Variants in PAH observed in about 807,000 individuals in gnomAD.
The protein encoded by PAH is phenylalanine-4-hydroxylase.
PAH carries 64 observed loss-of-function variants against 62.0 expected under a neutral mutation model. The ratio of observed to expected loss-of-function variants is 1.03; its 90% CI spans 0.84 to 1.27. PAH has a LOEUF of 1.27. Ranked by LOEUF, PAH falls within the 50% of genes most tolerant of loss-of-function variation. The pLI is 0.00. For missense variants in PAH, 579 were observed against 542.8 expected (o/e 1.07, Z -0.66); for synonymous variants, 195 against 196.2 (o/e 0.99, Z 0.05).
At chr12:102,955,902 A>G (rs545042257) in intron 1 of PAH, among the ~76,000 whole-genome samples, 3 of 152,148 alleles carry the variant, frequency 2.0e-5, no homozygotes, top group Non-Finnish European at 4.4e-5. Context: ...CTCTGTTGGC[A>G]CGATTTGGTC....
Position 102,846,828 on chromosome 12 carries a change from G to C in PAH, c.969+67C>G. 6 of 1,390,254 alleles carry C rather than the reference G, an allele frequency of 4.3e-6. No individual in the cohort carries two copies. In the South Asian group the frequency reaches 5.8e-5, roughly 13 times the overall value. 86.1% of individuals were successfully genotyped at this position (1,390,254 alleles called of 1,614,324 possible). A position where few individuals can be genotyped will look rare whatever the true frequency, so the allele number is the denominator to read the frequency against. ...ACCTGGCTTCCAGGGGAGTAGGAAA[G>C]TTTCAAAGACCTGAGGGCCATAGCC... On this transcript the variant is annotated intron_variant, in intron 9 of 12. Coordinates refer to ENST00000553106, the MANE Select transcript of PAH (RefSeq NM_000277.3).
At chr12:102,854,854 T>G in intron 6 of PAH, 2 of 490,368 alleles carry the variant, frequency 4.1e-6, no homozygotes, top group Non-Finnish European at 7.5e-6. Context: ...GTGAAGCACC[T>G]TGGGCTTTAA....
rs771591792 is a variant in PAH at position 102,894,698 on chromosome 12, G to A, written c.352+37C>T. The A allele has an allele frequency of 9.6e-6, 14 of 1,451,494 alleles. No individual in the cohort carries two copies. The South Asian group carries it at 1.3e-4, about 13-fold the overall frequency. The allele number at this position is 1,451,494 out of a possible 1,614,324, so 89.9% of individuals were successfully genotyped here. A position where few individuals can be genotyped will look rare whatever the true frequency, so the allele number is the denominator to read the frequency against. ...TGCTGTTATTTTATGAAGACAGTGTGGAGTTACTTATGTTGCAAAATTCCT... is the reference window on the plus strand; with the variant it reads ...TGCTGTTATTTTATGAAGACAGTGTAGAGTTACTTATGTTGCAAAATTCCT... On this transcript the variant is annotated intron_variant, in intron 3 of 12. Coordinates refer to ENST00000553106, the MANE Select transcript of PAH (RefSeq NM_000277.3).
Position 102,846,903 on chromosome 12 carries a change from G to A in PAH, c.961C>T (p.Leu321Phe). The change falls in exon 9 of 13, where the codon CTC (leucine) becomes TTC (phenylalanine). Residue 321 changes from leucine to phenylalanine, a missense_variant. Coordinates refer to ENST00000553106, the MANE Select transcript of PAH (RefSeq NM_000277.3). ...GGAGAGAAGGGACTTACTGTGGCGA[G>A]CTTTTCAATGTATTCATCAGGTGCA... ...LGAPDEYIEKLATIYWFTVEF... is the reference protein window; with the variant it reads ...LGAPDEYIEKFATIYWFTVEF... 1 of 1,613,496 alleles carries A rather than the reference G, an allele frequency of 6.2e-7. No individual in the cohort carries two copies.
At chr12:102,892,247 C>A (rs1202063644) in intron 3 of PAH, among the ~76,000 whole-genome samples, 1 of 152,132 alleles carries the variant, frequency 6.6e-6, no homozygotes, top group Non-Finnish European at 1.5e-5. Flanking sequence ...GTTTCAGTGG[C>A]CTGTTTTACG....
intron 5 of PAH, among the ~76,000 whole-genome samples, chr12:102,856,610 G>A (rs528965358): frequency 2.0e-5 from 3 of 152,290 alleles, no homozygotes; most frequent in South Asian, 2.1e-4. Context: ...CACCGCACAC[G>A]GCCGGGTACC....
chr12:102,896,086 A>C (rs945995578), intron 2 of PAH, among the ~76,000 whole-genome samples: 1 of 152,108 alleles, frequency 6.6e-6, no homozygotes, highest in Non-Finnish European at 1.5e-5. Context: ...TGTTATCATG[A>C]GAAAGACTAA....
At chr12:102,930,107 C>CT (rs1878807381) in intron 1 of PAH, among the ~76,000 whole-genome samples, 1 of 152,052 alleles carries the variant, frequency 6.6e-6, no homozygotes, top group Admixed American at 6.5e-5. Context: ...ATTGCTAACC[C>CT]CATTTTAAAA....
chr12:102,945,051 G>A (rs1593004482), intron 1 of PAH: 1 of 152,242 alleles, frequency 6.6e-6, no homozygotes, highest in Non-Finnish European at 1.5e-5. Flanking sequence ...GTTGGATAAG[G>A]TCCAGAAGAA....
At chr12:102,862,653 G>A (rs1875779899) in intron 5 of PAH, among the ~76,000 whole-genome samples, 1 of 152,196 alleles carries the variant, frequency 6.6e-6, no homozygotes, top group African/African-American at 2.4e-5. Flanking sequence ...AATAAAGCCT[G>A]ACTTCAAAGA....
chr12:102,907,213 C>A (rs969690141), intron 2 of PAH, among the ~76,000 whole-genome samples: 1 of 151,908 alleles, frequency 6.6e-6, no homozygotes, highest in African/African-American at 2.4e-5. Context: ...GAAAAAATAC[C>A]CAGAGACAGG....
chr12:102,851,233 A>T (rs1255763845), intron 8 of PAH, among the ~76,000 whole-genome samples: 1 of 152,064 alleles, frequency 6.6e-6, no homozygotes, highest in Admixed American at 6.5e-5. Context: ...TTTCTTTGTT[A>T]ACTCTAAGTC....
At chr12:102,905,741 T>C (rs962617698) in intron 2 of PAH, among the ~76,000 whole-genome samples, 5 of 151,582 alleles carry the variant, frequency 3.3e-5, no homozygotes, top group Non-Finnish European at 5.9e-5. Flanking sequence ...CAGTCTCTCA[T>C]GCACAGCAAG....
intron 1 of PAH, among the ~76,000 whole-genome samples, chr12:102,936,159 G>T (rs563638913): frequency 2.6e-5 from 4 of 152,012 alleles, no homozygotes; most frequent in Admixed American, 2.0e-4. Context: ...ATTCAGGAAC[G>T]TATTGTTTAA....
At chr12:102,927,143 C>G (rs906087738) in intron 1 of PAH, among the ~76,000 whole-genome samples, 9 of 152,018 alleles carry the variant, frequency 5.9e-5, no homozygotes, top group Non-Finnish European at 1.2e-4. Context: ...AAAGGGACAT[C>G]AAATCCAAAG....
intron 3 of PAH, among the ~76,000 whole-genome samples, chr12:102,885,635 G>A (rs1337998997): frequency 1.3e-5 from 2 of 152,160 alleles, no homozygotes; most frequent in Admixed American, 6.5e-5. Context: ...CTGCTCAGCC[G>A]GGACGCCAAG....
chr12:102,852,693 G>T, intron 7 of PAH, 122 bp downstream of exon 7: 1 of 1,220,266 alleles, frequency 8.2e-7, no homozygotes, highest in Non-Finnish European at 1.2e-6. Context: ...AGTACTACCA[G>T]CAAACAGTCT....
At chr12:102,930,120 G>A (rs1878807993) in intron 1 of PAH, among the ~76,000 whole-genome samples, 1 of 152,146 alleles carries the variant, frequency 6.6e-6, no homozygotes, top group Non-Finnish European at 1.5e-5. Flanking sequence ...TTTTAAAAAT[G>A]AGAAAATAAA....
intron 4 of PAH, among the ~76,000 whole-genome samples, chr12:102,872,109 T>C (rs1876371204): frequency 6.6e-6 from 1 of 151,894 alleles, no homozygotes; most frequent in African/African-American, 2.4e-5. Context: ...TTACAATCAC[T>C]TCAAAGTAGA....
Sources: allele counts gnomAD v4.1 joint callset (sites outside exome capture counted in the v4.1 genomes callset), GRCh38; gene constraint gnomAD v4.1.1; transcripts MANE v1.5; gene names NCBI Gene and HGNC (gene_info 2026-07-23, HGNC 2026-07-21).